The following EDA variants were observed in gnomAD, a reference collection of about 807,000 sequenced individuals.
The protein encoded by EDA is ectodysplasin A.
In EDA, 2 loss-of-function variants were observed where a neutral mutation model predicts 23.6. That is an observed-to-expected ratio of 0.08 (90% CI 0.03 to 0.27). EDA has a LOEUF of 0.27. Among genes scored for constraint, EDA ranks in the 10% least tolerant of loss-of-function variants. The probability of loss-of-function intolerance (pLI) is 1.00; values close to 1 mark genes in which losing one functional copy is unlikely to be tolerated. For synonymous variants in EDA, 131 were observed against 132.0 expected (o/e 0.99, Z 0.05); for missense variants, 229 against 324.2 (o/e 0.71, Z 2.26).
chrX:70,026,852 T>C (rs753727304), intron 3 of EDA, among the ~76,000 whole-genome samples: 7 of 110,095 alleles, frequency 6.4e-5, no homozygotes, highest in Non-Finnish European at 1.3e-4. Flanking sequence ...TCTCTCTCCC[T>C]CCTCCTCTTT....
intron 6 of EDA, among the ~76,000 whole-genome samples, chrX:70,031,753 G>A (rs1036975151): frequency 1.8e-5 from 2 of 112,512 alleles, no homozygotes; most frequent in African/African-American, 6.5e-5. Flanking sequence ...GTCCTGCTGG[G>A]GACCCCAAGG....
chrX:69,714,224 A>G (rs1386317144), intron 1 of EDA, among the ~76,000 whole-genome samples: 1 of 110,807 alleles, frequency 9.0e-6, no homozygotes, highest in Non-Finnish European at 1.9e-5. Context: ...TCTTTAGTTA[A>G]GTGTCTCTTC....
chrX:70,009,694 C>T (rs1377044463), intron 2 of EDA, among the ~76,000 whole-genome samples: 1 of 111,618 alleles, frequency 9.0e-6, no homozygotes, highest in Non-Finnish European at 1.9e-5. Flanking sequence ...TCAAGTGATT[C>T]TCCTGCCTTA....
chrX:69,627,596 C>G (rs954728895), intron 1 of EDA, among the ~76,000 whole-genome samples: 1 of 111,395 alleles, frequency 9.0e-6, no homozygotes, highest in Admixed American at 9.6e-5. Context: ...ATGCTCATCT[C>G]CATTTGAGAA....
intron 1 of EDA, among the ~76,000 whole-genome samples, chrX:69,820,558 A>C (rs975213791): frequency 1.8e-5 from 2 of 112,128 alleles, no homozygotes; most frequent in Admixed American, 1.9e-4. Flanking sequence ...GAAAAAAACA[A>C]CCCCATTAAA....
chrX:70,032,540 C>G (rs1381601704), intron 6 of EDA, among the ~76,000 whole-genome samples: 1 of 111,609 alleles, frequency 9.0e-6, no homozygotes, highest in Non-Finnish European at 1.9e-5. Flanking sequence ...ATGTCCTCCT[C>G]TCATGGTGGG....
At chrX:69,852,473 G>C (rs1260028781) in intron 1 of EDA, among the ~76,000 whole-genome samples, 1 of 111,803 alleles carries the variant, frequency 8.9e-6, no homozygotes, top group Non-Finnish European at 1.9e-5. Context: ...CAAATAATCA[G>C]ACATCACAAA....
At chrX:69,975,096 C>T (rs1016731193) in intron 2 of EDA, among the ~76,000 whole-genome samples, 1 of 111,449 alleles carries the variant, frequency 9.0e-6, no homozygotes, top group African/African-American at 3.3e-5. Context: ...CCATTTGACC[C>T]AACAATCCCG....
At chrX:70,003,008 G>A (rs950913951) in intron 2 of EDA, among the ~76,000 whole-genome samples, 1 of 112,206 alleles carries the variant, frequency 8.9e-6, no homozygotes, top group African/African-American at 3.2e-5. Context: ...ATACAGGACC[G>A]TCCTTTATAA....
intron 1 of EDA, among the ~76,000 whole-genome samples, chrX:69,912,091 A>G (rs2018274968): frequency 8.9e-6 from 1 of 112,233 alleles, no homozygotes; most frequent in Non-Finnish European, 1.9e-5. Flanking sequence ...ATCCTATCTC[A>G]AGAAACGACT....
At chrX:69,868,932 A>G (rs1047498643) in intron 1 of EDA, among the ~76,000 whole-genome samples, 3 of 112,283 alleles carry the variant, frequency 2.7e-5, no homozygotes, top group African/African-American at 9.7e-5. Context: ...TGCAAGATCC[A>G]TCTGTCTTCT....
chrX:69,888,669 G>A (rs2017866562), intron 1 of EDA, among the ~76,000 whole-genome samples: 1 of 107,811 alleles, frequency 9.3e-6, no homozygotes, highest in South Asian at 4.0e-4. Context: ...AGACAAAATA[G>A]ACTTTAAGTC....
chrX:70,011,881 G>A (rs965412837), intron 2 of EDA, among the ~76,000 whole-genome samples: 8 of 111,781 alleles, frequency 7.2e-5, no homozygotes, highest in Non-Finnish European at 1.1e-4. Context: ...GACAGAGTAT[G>A]TAGTGTCCCC....
intron 1 of EDA, among the ~76,000 whole-genome samples, chrX:69,669,300 T>TA (rs1164440245): frequency 9.0e-6 from 1 of 111,158 alleles, no homozygotes; most frequent in African/African-American, 3.3e-5. Flanking sequence ...GGTAAAGACT[T>TA]ACTACTGCCA....
intron 2 of EDA, among the ~76,000 whole-genome samples, chrX:69,998,873 C>A (rs1319446069): frequency 9.0e-6 from 1 of 111,616 alleles, no homozygotes; most frequent in Non-Finnish European, 1.9e-5. Context: ...GACTGTGAGG[C>A]CTCCCCAGCC....
chrX:69,766,579 A>G (rs2014476287), intron 1 of EDA, among the ~76,000 whole-genome samples: 1 of 111,771 alleles, frequency 8.9e-6, no homozygotes, highest in Non-Finnish European at 1.9e-5. Flanking sequence ...TGCTAAGGAT[A>G]ATGGCTTCCA....
chrX:69,729,021 T>C (rs1487624750), intron 1 of EDA: 1 of 111,572 alleles, frequency 9.0e-6, no homozygotes, highest in East Asian at 2.8e-4. Context: ...TGGGTGGAAA[T>C]TGATGCAGAG....
chrX:69,789,454 C>G (rs1428417962), intron 1 of EDA, among the ~76,000 whole-genome samples: 2 of 112,180 alleles, frequency 1.8e-5, no homozygotes, highest in African/African-American at 3.2e-5. Flanking sequence ...ATGAAGTCAT[C>G]TCATATTTCT....
At chrX:69,758,360 G>A (rs1423569016) in intron 1 of EDA, among the ~76,000 whole-genome samples, 1 of 112,133 alleles carries the variant, frequency 8.9e-6, no homozygotes, top group Admixed American at 9.4e-5. Context: ...GTGTGGACTA[G>A]ATGATCTGGT....
Sources: allele counts gnomAD v4.1 joint callset (sites outside exome capture counted in the v4.1 genomes callset), GRCh38; gene constraint gnomAD v4.1.1; transcripts MANE v1.5; gene names NCBI Gene and HGNC (gene_info 2026-07-23, HGNC 2026-07-21).